The following EML1 variants were observed in gnomAD, a reference collection of about 807,000 sequenced individuals.
EML1 encodes EMAP like 1, also known as echinoderm microtubule-associated protein-like 1.
A neutral mutation model predicts 110.4 loss-of-function variants in EML1; 27 were observed. The ratio of observed to expected loss-of-function variants is 0.24; its 90% CI spans 0.18 to 0.34. The LOEUF is 0.34. Ranked by LOEUF, EML1 falls within the 10% of genes least tolerant of loss-of-function variation. The pLI, the probability that EML1 is intolerant of heterozygous loss-of-function variation, is 1.00. For synonymous variants in EML1, 344 were observed against 385.8 expected (o/e 0.89, Z 1.27); for missense variants, 741 against 1,030.9 (o/e 0.72, Z 3.85).
chr14:99,896,227 A>T (rs910249834), intron 6 of EML1, among the ~76,000 whole-genome samples: 5 of 152,196 alleles, frequency 3.3e-5, no homozygotes, highest in African/African-American at 1.2e-4. Context: ...TGGAACACAA[A>T]TTATAAGATG....
At chr14:99,756,075 T>C (rs1444615267) in intron 1 of EML1, among the ~76,000 whole-genome samples, 1 of 152,210 alleles carries the variant, frequency 6.6e-6, no homozygotes, top group Non-Finnish European at 1.5e-5. Context: ...CACCCCAGGA[T>C]GGCTTTCAGG....
chr14:99,756,258 G>A (rs573849302), intron 1 of EML1, among the ~76,000 whole-genome samples: 7 of 152,218 alleles, frequency 4.6e-5, no homozygotes, highest in Non-Finnish European at 8.8e-5. Context: ...AGTCCCTTCC[G>A]ACTTAAGGGG....
chr14:99,864,521 A>C (rs545532359), intron 2 of EML1, among the ~76,000 whole-genome samples: 1 of 152,120 alleles, frequency 6.6e-6, no homozygotes, highest in South Asian at 2.1e-4. Flanking sequence ...CTTTGTTGAA[A>C]AGATGATCTT....
intron 1 of EML1, among the ~76,000 whole-genome samples, chr14:99,738,228 G>A (rs2056992887): frequency 6.6e-6 from 1 of 152,214 alleles, no homozygotes; most frequent in Non-Finnish European, 1.5e-5. Flanking sequence ...GAGTGTGTGT[G>A]AACACTTAAC....
At chr14:99,822,764 G>A (rs2058285579) in intron 1 of EML1, among the ~76,000 whole-genome samples, 2 of 152,276 alleles carry the variant, frequency 1.3e-5, no homozygotes, top group Admixed American at 1.3e-4. Context: ...AAACTTGCCT[G>A]CAGGGGGTGG....
intron 1 of EML1, among the ~76,000 whole-genome samples, chr14:99,826,765 TGAA>T (rs2058367940): frequency 6.6e-6 from 1 of 152,130 alleles, no homozygotes; most frequent in African/African-American, 2.4e-5. Flanking sequence ...ACGAGACTAT[TGAA>T]GAATTCCATG....
intron 1 of EML1, among the ~76,000 whole-genome samples, chr14:99,815,998 G>C (rs899786322): frequency 6.6e-6 from 1 of 152,176 alleles, no homozygotes; most frequent in Non-Finnish European, 1.5e-5. Flanking sequence ...TCAGAGCACA[G>C]ATGTTTGCAC....
chr14:99,774,682 G>A (rs1305452003), intron 1 of EML1, among the ~76,000 whole-genome samples: 5 of 152,328 alleles, frequency 3.3e-5, no homozygotes, highest in East Asian at 3.9e-4. Context: ...ACCCTTGGGC[G>A]GATGCCCTGC....
chr14:99,855,248 G>T (rs1039208125), intron 2 of EML1, among the ~76,000 whole-genome samples: 1 of 152,164 alleles, frequency 6.6e-6, no homozygotes, highest in African/African-American at 2.4e-5. Flanking sequence ...TAATTCACGG[G>T]TTTTTTCCTG....
intron 1 of EML1, among the ~76,000 whole-genome samples, chr14:99,760,648 ATTT>A (rs1351158756): frequency 6.6e-6 from 1 of 152,100 alleles, no homozygotes. Flanking sequence ...CAAAGTGCTG[ATTT>A]TCCCTTTCTC....
intron 1 of EML1, among the ~76,000 whole-genome samples, chr14:99,822,747 T>G (rs939716923): frequency 2.0e-5 from 3 of 152,196 alleles, no homozygotes; most frequent in African/African-American, 7.2e-5. Context: ...GAAAGGCCAT[T>G]GAACTTAAAC....
intron 4 of EML1, among the ~76,000 whole-genome samples, chr14:99,880,826 G>A (rs2059372606): frequency 6.6e-6 from 1 of 152,182 alleles, no homozygotes; most frequent in Admixed American, 6.5e-5. Flanking sequence ...TCTTATAAAT[G>A]AGCTAACTTG....
intron 1 of EML1, among the ~76,000 whole-genome samples, chr14:99,777,171 G>A (rs1357257412): frequency 6.6e-6 from 1 of 151,942 alleles, no homozygotes; most frequent in Non-Finnish European, 1.5e-5. Context: ...AAATAAATGG[G>A]AGCTCAAGAA....
chr14:99,770,063 A>T (rs1233438033), upstream of EML1, among the ~76,000 whole-genome samples: 1 of 151,986 alleles, frequency 6.6e-6, no homozygotes, highest in African/African-American at 2.4e-5. Context: ...ATGACACTTA[A>T]CCTTTGTACC....
At position 99,939,926 on chromosome 14, in the gene EML1, T is replaced by G; in HGVS notation, c.2323-61T>G. ...GCATGCAGTGAGAATTCAAGCACTTTCCCATCCCAGATGGTTCGCCTTGTA... is the reference window on the plus strand; with the variant it reads ...GCATGCAGTGAGAATTCAAGCACTTGCCCATCCCAGATGGTTCGCCTTGTA... On this transcript the variant is annotated intron_variant, in intron 21 of 21. Transcript: ENST00000262233. The surrounding 1 kb of genome is among the most constrained non-coding windows in gnomAD (Gnocchi z 4.2). 6.8e-7 allele frequency: 1 copy of G among 1,468,108 alleles called. No individual in the cohort carries two copies. 90.9% of individuals were successfully genotyped at this position (1,468,108 alleles called of 1,614,324 possible).
intron 1 of EML1, among the ~76,000 whole-genome samples, chr14:99,807,116 A>G (rs1284833138): frequency 2.0e-5 from 3 of 152,194 alleles, no homozygotes. Context: ...TAAAGAGACA[A>G]GCAGGCACAG....
intron 3 of EML1, among the ~76,000 whole-genome samples, chr14:99,876,955 G>A (rs752998334): frequency 1.3e-4 from 20 of 152,326 alleles, no homozygotes; most frequent in African/African-American, 2.2e-4. Flanking sequence ...CAAGAAATGC[G>A]TGGACTAATG....
At chr14:99,890,706 T>G (rs1018237577) in intron 4 of EML1, among the ~76,000 whole-genome samples, 3 of 152,122 alleles carry the variant, frequency 2.0e-5, no homozygotes, top group Admixed American at 2.0e-4. Context: ...CACCCTGGTG[T>G]TCCCCGCTTC....
At chr14:99,779,878 G>A (rs975389962) in intron 1 of EML1, among the ~76,000 whole-genome samples, 1 of 152,204 alleles carries the variant, frequency 6.6e-6, no homozygotes, top group African/African-American at 2.4e-5. Flanking sequence ...ACAGTGAGAG[G>A]AAGGAGACGG....
Sources: gnomAD v4.1 joint callset for allele counts (sites outside exome capture counted in the v4.1 genomes callset) on GRCh38, gnomAD v4.1.1 for gene constraint, Gnocchi (gnomAD v3.1) non-coding constraint, MANE v1.5 for transcripts, NCBI Gene and HGNC (gene_info 2026-07-23, HGNC 2026-07-21) for gene names.